CDH12: variants seen among roughly 807,000 people sequenced by gnomAD.
CDH12 encodes cadherin-12.
In CDH12, 41 loss-of-function variants were observed where a neutral mutation model predicts 74.1. The ratio of observed to expected loss-of-function variants is 0.55; its 90% CI spans 0.43 to 0.72. The LOEUF (loss-of-function observed/expected upper bound fraction) is 0.72. Among genes scored for constraint, CDH12 ranks in the 30% least tolerant of loss-of-function variants. The pLI is 0.00. For synonymous variants in CDH12, 399 were observed against 355.0 expected, an observed-to-expected ratio of 1.12 and a Z score of -1.39; for missense variants, 945 against 977.2, an observed-to-expected ratio of 0.97 and a Z score of 0.44.
intron 3 of CDH12, among the ~76,000 whole-genome samples, chr5:22,252,119 C>G (rs544975940): frequency 6.6e-6 from 1 of 151,938 alleles, no homozygotes; most frequent in Non-Finnish European, 1.5e-5. Flanking sequence ...TTTCTTGGTT[C>G]TCAATTGCTG....
chr5:22,143,798 C>T (rs1746972882), intron 4 of CDH12: 1 of 152,166 alleles, frequency 6.6e-6, no homozygotes, highest in Non-Finnish European at 1.5e-5. Flanking sequence ...GGAGGAACTA[C>T]TTGGCATGTA....
intron 1 of CDH12, among the ~76,000 whole-genome samples, chr5:22,785,396 T>C (rs973894616): frequency 3.3e-5 from 5 of 152,200 alleles, no homozygotes; most frequent in African/African-American, 7.2e-5. Context: ...ATCTGAATGT[T>C]CTACCACCTC....
intron 1 of CDH12, among the ~76,000 whole-genome samples, chr5:22,639,654 G>C (rs1739039539): frequency 6.6e-6 from 1 of 151,914 alleles, no homozygotes; most frequent in African/African-American, 2.4e-5. Flanking sequence ...AGTTTCCAAA[G>C]GCTTAAGTCC....
At chr5:22,476,971 A>G (rs1367013212) in intron 2 of CDH12, among the ~76,000 whole-genome samples, 3 of 152,160 alleles carry the variant, frequency 2.0e-5, no homozygotes, top group Non-Finnish European at 4.4e-5. Flanking sequence ...TTTACCAAAA[A>G]TCTGCCCCAA....
At chr5:22,652,742 T>A (rs1244346004) in intron 1 of CDH12, among the ~76,000 whole-genome samples, 1 of 152,040 alleles carries the variant, frequency 6.6e-6, no homozygotes, top group East Asian at 1.9e-4. Flanking sequence ...TTCTCACAAG[T>A]GTATGTGTTT....
intron 3 of CDH12, among the ~76,000 whole-genome samples, chr5:22,214,223 C>T (rs1007543651): frequency 4.6e-5 from 7 of 152,126 alleles, no homozygotes; most frequent in African/African-American, 1.4e-4. Context: ...ACGGAGACGG[C>T]CCTGCAGAAG....
chr5:22,256,508 AT>A (rs1474017267), intron 3 of CDH12, among the ~76,000 whole-genome samples: 9 of 152,184 alleles, frequency 5.9e-5, no homozygotes, highest in African/African-American at 1.4e-4. Context: ...TATATTTACT[AT>A]ACTATACTTT....
chr5:22,165,556 A>G (rs1748635921), intron 4 of CDH12, among the ~76,000 whole-genome samples: 1 of 152,084 alleles, frequency 6.6e-6, no homozygotes, highest in Non-Finnish European at 1.5e-5. Flanking sequence ...TTTGTGGTCA[A>G]CACTCTTACT....
intron 3 of CDH12, among the ~76,000 whole-genome samples, chr5:22,279,260 C>A (rs1199045561): frequency 6.6e-6 from 1 of 152,114 alleles, no homozygotes; most frequent in Non-Finnish European, 1.5e-5. Flanking sequence ...TGAATAGCTT[C>A]ATATATTACT....
intron 5 of CDH12, among the ~76,000 whole-genome samples, chr5:21,985,175 T>C (rs1266987026): frequency 1.3e-5 from 2 of 152,198 alleles, no homozygotes; most frequent in Non-Finnish European, 2.9e-5. Context: ...AATTTATTTG[T>C]CATTATCTTT....
chr5:22,211,473 T>A (rs1751538001), intron 4 of CDH12, among the ~76,000 whole-genome samples: 2 of 152,264 alleles, frequency 1.3e-5, no homozygotes, highest in Non-Finnish European at 2.9e-5. Flanking sequence ...TATAATTATT[T>A]AATTACTCTT....
intron 4 of CDH12, among the ~76,000 whole-genome samples, chr5:22,132,448 G>A (rs1746224396): frequency 6.6e-6 from 1 of 151,788 alleles, no homozygotes; most frequent in Admixed American, 6.6e-5. Context: ...ACGCATCCAC[G>A]ATTTTAAGAT....
chr5:21,845,740 A>C (rs1048783485), intron 7 of CDH12, among the ~76,000 whole-genome samples: 3 of 151,556 alleles, frequency 2.0e-5, no homozygotes, highest in Non-Finnish European at 2.9e-5. Flanking sequence ...AAGTTCTTTT[A>C]TTTTCTTTTC....
chr5:22,660,391 G>A (rs375528667), intron 1 of CDH12, among the ~76,000 whole-genome samples: 2 of 152,114 alleles, frequency 1.3e-5, no homozygotes, highest in Non-Finnish European at 2.9e-5. Context: ...AAATTCCAAC[G>A]TGAAGAGATT....
At chr5:22,491,418 A>T (rs1339771664) in intron 2 of CDH12, among the ~76,000 whole-genome samples, 1 of 152,146 alleles carries the variant, frequency 6.6e-6, no homozygotes, top group African/African-American at 2.4e-5. Context: ...ATTCCATTTA[A>T]GTAGACAAAT....
At chr5:21,924,639 G>C (rs1328330491) in intron 6 of CDH12, among the ~76,000 whole-genome samples, 1 of 152,202 alleles carries the variant, frequency 6.6e-6, no homozygotes, top group Non-Finnish European at 1.5e-5. Context: ...AAATGATGTT[G>C]ACTTGTCCCA....
At chr5:22,006,011 CT>C (rs1736935698) in intron 5 of CDH12, among the ~76,000 whole-genome samples, 1 of 152,106 alleles carries the variant, frequency 6.6e-6, no homozygotes, top group Non-Finnish European at 1.5e-5. Flanking sequence ...ACTACTAAAG[CT>C]TTTTATCATT....
At position 22,686,260 on chromosome 5, in the gene CDH12, T is replaced by C. The variant is rs192790134; in HGVS notation, c.-523+166798A>G. Among the ~76,000 whole-genome samples, 10 of 152,286 alleles carry C rather than the reference T, an allele frequency of 6.6e-5. No homozygotes were observed. The East Asian group carries it at 1.5e-3, about 23-fold the overall frequency. On this transcript the variant is annotated intron_variant, in intron 1 of 14. Transcript: ENST00000382254. ...TCTTATTTCTGAGTTGTAAAACTTC[T>C]TTTTATATTCTAGATACATGTCCTT... is the stretch of plus-strand genomic sequence containing the variant.
At chr5:22,132,049 G>A (rs1746204766) in intron 4 of CDH12, among the ~76,000 whole-genome samples, 1 of 152,016 alleles carries the variant, frequency 6.6e-6, no homozygotes, top group South Asian at 2.1e-4. Context: ...TTTTGCCTTT[G>A]GGAACTTCTT....
Sources: gnomAD v4.1 joint callset for allele counts (sites outside exome capture counted in the v4.1 genomes callset) on GRCh38, gnomAD v4.1.1 for gene constraint, MANE v1.5 for transcripts, NCBI Gene and HGNC (gene_info 2026-07-23, HGNC 2026-07-21) for gene names.